Variants in FCN3 observed in about 807,000 individuals in gnomAD.
FCN3 encodes ficolin 3, also known as ficolin-3.
Under a neutral mutation model 31.5 loss-of-function variants are expected in FCN3, and 28 were observed. That is an observed-to-expected ratio of 0.89 (90% confidence interval 0.66 to 1.22). The LOEUF (loss-of-function observed/expected upper bound fraction) is 1.22, where lower values mean the gene tolerates loss of function less well. Among genes scored for constraint, FCN3 ranks in the 50% most tolerant of loss-of-function variants. The pLI is 0.00. For missense variants in FCN3, 351 were observed against 386.8 expected, an observed-to-expected ratio of 0.91 and a Z score of 0.78; for synonymous variants, 124 against 147.4, an observed-to-expected ratio of 0.84 and a Z score of 1.15.
chr1:27,374,665 T>G (rs2016214843), intron 1 of FCN3, 63 bp downstream of exon 1: 1 of 1,030,012 alleles, frequency 9.7e-7, no homozygotes. Flanking sequence ...TGAGCCTTGG[T>G]GGGGGGACAC....
chr1:27,370,795 G>A, intron 6 of FCN3, 48 bp downstream of exon 6: 1 of 1,611,280 alleles, frequency 6.2e-7, no homozygotes, highest in Non-Finnish European at 8.5e-7. Context: ...AGGGATTCAG[G>A]ATGGCAGACA....
chr1:27,369,523 C>T (rs758251606), intron 7 of FCN3, 46 bp from the exon 8 acceptor site: 1 of 1,573,300 alleles, frequency 6.4e-7, no homozygotes, highest in Non-Finnish European at 8.7e-7. Flanking sequence ...AGCACCACGC[C>T]TGGCACCTTT....
At chr1:27,370,535 G>T in intron 7 of FCN3, 61 bp downstream of exon 7, 1 of 1,439,760 alleles carries the variant, frequency 6.9e-7, no homozygotes, top group Non-Finnish European at 9.7e-7. Flanking sequence ...ATTCATGGGG[G>T]CAGTGGCAGC....
At chr1:27,374,211 T>A in intron 2 of FCN3, 145 bp downstream of exon 2, 3 of 719,734 alleles carry the variant, frequency 4.2e-6, no homozygotes, top group Non-Finnish European at 7.1e-6. Context: ...GCAGAGTTGA[T>A]CTTAGGATGC....
At chr1:27,372,398 C>T (rs1163143715) in intron 5 of FCN3, among the ~76,000 whole-genome samples, 2 of 152,080 alleles carry the variant, frequency 1.3e-5, no homozygotes, top group African/African-American at 4.8e-5. Context: ...CAGGCGCCCA[C>T]CATCACGCCT....
chr1:27,370,805 A>C (rs1287776063), intron 6 of FCN3, 38 bp downstream of exon 6: 8 of 1,611,424 alleles, frequency 5.0e-6, no homozygotes, highest in Non-Finnish European at 6.8e-6. Context: ...GATGGCAGAC[A>C]GTAACCCCCA....
Position 27,370,980 on chromosome 1 carries a change from A to C in FCN3, c.394-8T>G. On this transcript the variant is annotated splice_region_variant and splice_polypyrimidine_tract_variant and intron_variant, in intron 5 of 7. Transcript: ENST00000270879. ...CTGGCGCCTCTGAAACACCTGGGGG[A>C]GGGGGGGCACAGCAGCTATTACTCC... 6.2e-7 allele frequency: 1 copy of C among 1,600,612 alleles called. No individual in the cohort carries two copies. Among genetic ancestry groups the C allele is most frequent in the Non-Finnish European group, 8.5e-7 (1 of 1,174,092 alleles).
At chr1:27,370,751 G>A (rs1360771438) in intron 6 of FCN3, 21 bp from the exon 7 acceptor site, 2 of 1,613,552 alleles carry the variant, frequency 1.2e-6, no homozygotes, top group Admixed American at 1.7e-5. Context: ...GGGGAGGCAG[G>A]GATGGAGGAA....
chr1:27,370,266 C>A (rs1265804570), intron 7 of FCN3, among the ~76,000 whole-genome samples: 1 of 152,074 alleles, frequency 6.6e-6, no homozygotes, highest in African/African-American at 2.4e-5. Flanking sequence ...GCCTCGGCCT[C>A]CCAGAGTGCT....
chr1:27,370,842 C>A lies in FCN3; in HGVS notation c.523+1G>T, dbSNP rs911583826. The A allele has an allele frequency of 6.2e-7, 1 of 1,613,908 alleles. No homozygotes were observed. The highest frequency in any genetic ancestry group is 1.3e-5 in the African/African-American group (1 of 74,926). On this transcript the variant is annotated splice_donor_variant, in intron 6 of 7. Coordinates refer to ENST00000270879, the MANE Select transcript of FCN3 (RefSeq NM_003665.4). LOFTEE classifies it high-confidence loss of function. ...ACTCCAGGACCCTGCTGGGAACTCA[C>A]CCTGGAGAGTAAGCTGGTGCAAATT... is the stretch of plus-strand genomic sequence containing the variant.
intron 2 of FCN3, 58 bp downstream of exon 2, chr1:27,374,298 G>T: frequency 7.8e-7 from 1 of 1,281,992 alleles, no homozygotes; most frequent in Non-Finnish European, 1.1e-6. Context: ...GACAAAAATT[G>T]CTACTTTCCT....
intron 5 of FCN3, among the ~76,000 whole-genome samples, chr1:27,371,620 G>A (rs900206122): frequency 5.3e-5 from 8 of 152,104 alleles, no homozygotes; most frequent in African/African-American, 1.9e-4. Flanking sequence ...TTACATTAGA[G>A]AGGCCACTCC....
Position 27,374,403 on chromosome 1 carries a change from G to A in FCN3, c.140C>T (p.Pro47Leu), listed in dbSNP as rs1411831023. Residue 47 changes from proline (P) to leucine (L), a missense_variant, in exon 2 of 8, where the codon CCC (proline) becomes CTC (leucine). Pro to Leu is a moderately conservative substitution (Grantham distance 98). Transcript: ENST00000270879. ...ASKVVLLPSC[P>L]GAPGSPGEKG... ...CTCCCCAGGACTTCCTGGAGCTCCG[G>A]GACAACTGGGCAGGAGGACAACTTT... 2 of 1,613,928 alleles carry A rather than the reference G, an allele frequency of 1.2e-6. No homozygotes were observed. Among genetic ancestry groups the A allele is most frequent in the East Asian group, 2.2e-5 (1 of 44,852 alleles).
chr1:27,371,679 C>T (rs779519480), intron 5 of FCN3, among the ~76,000 whole-genome samples: 1 of 152,246 alleles, frequency 6.6e-6, no homozygotes, highest in Non-Finnish European at 1.5e-5. Context: ...TTCCACCTCC[C>T]CCTCCAAGCC....
intron 6 of FCN3, 42 bp from the exon 7 acceptor site, chr1:27,370,772 T>C (rs2016129909): frequency 6.2e-7 from 1 of 1,612,136 alleles, no homozygotes; most frequent in South Asian, 1.1e-5. Context: ...TCCTCAGTTC[T>C]TGGGGGTGGG....
rs2016184115 is a variant in FCN3, at chr1:27,373,224, GT to G, written c.304del (p.Thr102ProfsTer2). On this transcript the variant is annotated frameshift_variant, in exon 5 of 8. Transcript: ENST00000270879. LOFTEE classifies it high-confidence loss of function. ...NCRELLSQGA[T>X]LSGWYHLCLP... The stretch of plus-strand genomic sequence containing the variant: ...GCACAGATGGTACCAGCCGCTCAAG[GT>G]GGCGCCCTGGCTCAACAGCTCCCGG... 2 of 1,614,138 alleles carry G rather than the reference GT, an allele frequency of 1.2e-6. No individual in the cohort carries two copies. Among genetic ancestry groups the G allele is most frequent in the East Asian group, 4.5e-5 (2 of 44,880 alleles).
intron 4 of FCN3, 112 bp downstream of exon 4, chr1:27,373,376 T>C: frequency 6.3e-7 from 1 of 1,594,856 alleles, no homozygotes; most frequent in Non-Finnish European, 8.6e-7. Context: ...TTCAGGTCCC[T>C]GAAGAAGGGT....
At chr1:27,372,108 T>C (rs1302353763) in intron 5 of FCN3, among the ~76,000 whole-genome samples, 1 of 152,230 alleles carries the variant, frequency 6.6e-6, no homozygotes, top group East Asian at 1.9e-4. Flanking sequence ...TCCTAAACCA[T>C]GTCCCTGCCT....
Position 27,369,334 on chromosome 1 carries a change from C to T in FCN3, c.802G>A (p.Ala268Thr), listed in dbSNP as rs953487707. The T allele has an allele frequency of 3.7e-6, 6 of 1,614,280 alleles. No individual in the cohort carries two copies. Among genetic ancestry groups the T allele is most frequent in the Middle Eastern group, 1.6e-4 (1 of 6,062 alleles). Residue 268 changes from alanine (A) to threonine (T), a missense_variant, in exon 8 of 8, where the codon GCA becomes ACA. Coordinates refer to ENST00000270879, the MANE Select transcript of FCN3 (RefSeq NM_003665.4). ...CYRSNLNGRY[A>T]VSEAAAHKYG... ...TTGTGGGCGGCAGCCTCAGACACTG[C>T]ATAGCGACCATTGAGATTTGATCGG...
Sources: allele counts gnomAD v4.1 joint callset (sites outside exome capture counted in the v4.1 genomes callset), GRCh38; gene constraint gnomAD v4.1.1; transcripts MANE v1.5; gene names NCBI Gene and HGNC (gene_info 2026-07-23, HGNC 2026-07-21).